The following AFAP1L2 variants were observed in gnomAD, a reference collection of about 807,000 sequenced individuals.
The protein encoded by AFAP1L2 is actin filament associated protein 1 like 2.
Under a neutral mutation model 99.3 loss-of-function variants are expected in AFAP1L2, and 46 were observed. The observed-to-expected ratio is 0.46, with a 90% CI of 0.37 to 0.59. The LOEUF is 0.59. Ranked by LOEUF, AFAP1L2 falls within the 20% of genes least tolerant of loss-of-function variation. The pLI, the probability that AFAP1L2 is intolerant of heterozygous loss-of-function variation, is 0.00. For missense variants in AFAP1L2, 959 were observed against 1,034.9 expected, an observed-to-expected ratio of 0.93 and a Z score of 1.01; for synonymous variants, 397 against 419.1, an observed-to-expected ratio of 0.95 and a Z score of 0.64.
chr10:114,343,506 G>A (rs1056597506), intron 1 of AFAP1L2, among the ~76,000 whole-genome samples: 2 of 152,182 alleles, frequency 1.3e-5, no homozygotes, highest in African/African-American at 4.8e-5. Context: ...GGCATTGCTG[G>A]TCAGCCCCAC....
chr10:114,308,580 A>G (rs750050300), intron 8 of AFAP1L2, 63 bp from the exon 9 acceptor site: 2 of 1,420,158 alleles, frequency 1.4e-6, no homozygotes, highest in Non-Finnish European at 2.0e-6. Context: ...GGAGACCACA[A>G]TTGAAGGGAA....
At chr10:114,352,757 T>G (rs4237494) in intron 1 of AFAP1L2, among the ~76,000 whole-genome samples, 150,714 of 152,364 alleles carry the variant, frequency 0.99, 74,562 homozygotes, top group East Asian at 1. Context: ...TTGAGAAGTG[T>G]CTACCAGGTC....
intron 1 of AFAP1L2, among the ~76,000 whole-genome samples, chr10:114,382,773 T>G (rs1216827867): frequency 6.6e-6 from 1 of 151,956 alleles, no homozygotes; most frequent in African/African-American, 2.4e-5. Flanking sequence ...TTTTGTATTT[T>G]TAGTAGAGAT....
intron 1 of AFAP1L2, among the ~76,000 whole-genome samples, chr10:114,356,226 A>T (rs988581585): frequency 4.6e-5 from 7 of 152,214 alleles, no homozygotes; most frequent in African/African-American, 1.7e-4. Context: ...ATACTCAGGA[A>T]TAAAGTACAT....
Position 114,295,719 on chromosome 10 carries a change from G to C in AFAP1L2, c.*323C>G, listed in dbSNP as rs1589884085. On this transcript the variant is annotated 3_prime_UTR_variant, in exon 19 of 19. Coordinates refer to ENST00000304129, the MANE Select transcript of AFAP1L2 (RefSeq NM_001001936.3). ...ATCTTCCACCAAAGTCTAAACAGGA[G>C]GTTTTCACTATTTAAAAATCTTAGT... 17 of 1,085,562 alleles carry C rather than the reference G, an allele frequency of 1.6e-5. 1 individual carries two copies. The East Asian group carries it at 1.1e-3, about 71-fold the overall frequency. 67.2% of individuals were successfully genotyped at this position (1,085,562 alleles called of 1,614,324 possible).
chr10:114,404,508 C>A (rs566361720), upstream of AFAP1L2: 606 of 1,520,294 alleles, frequency 4.0e-4, 3 homozygotes, highest in African/African-American at 4.6e-3. Flanking sequence ...GCTCTCCCGG[C>A]GCTCGGCTCA....
At chr10:114,305,112 C>G in intron 10 of AFAP1L2, 182 bp from the exon 11 acceptor site, 1 of 452,098 alleles carries the variant, frequency 2.2e-6, no homozygotes, top group Non-Finnish European at 4.0e-6. Context: ...CAGGAGGGGA[C>G]CGGGCTGCAG....
Position 114,311,596 on chromosome 10 carries a change from C to T in AFAP1L2, c.793-1153G>A, listed in dbSNP as rs114549906. The stretch of plus-strand genomic sequence containing the variant: ...ACCTTTGCCACGAGCCAGCTGTGAG[C>T]GCTTGTATGTCAAGCACCCAGCACA... On this transcript the variant is annotated intron_variant, in intron 7 of 18. Coordinates refer to ENST00000304129, the MANE Select transcript of AFAP1L2 (RefSeq NM_001001936.3). 8.8e-3 allele frequency among the ~76,000 whole-genome samples: 1,345 copies of T among 152,310 alleles called. 16 individuals are homozygous for T. Among genetic ancestry groups the T allele is most frequent in the African/African-American group, 0.031 (1,296 of 41,554 alleles).
the AFAP1L2 span, among the ~76,000 whole-genome samples, chr10:114,282,305 A>AT: frequency 1.4e-4 from 22 of 151,770 alleles, no homozygotes; most frequent in African/African-American, 2.9e-4. Context: ...CTCCCAGCCT[A>AT]TTTTTTTTAA....
chr10:114,398,623 T>C (rs1323838372), intron 1 of AFAP1L2, among the ~76,000 whole-genome samples: 1 of 152,236 alleles, frequency 6.6e-6, no homozygotes, highest in Non-Finnish European at 1.5e-5. Flanking sequence ...CTCATACAGA[T>C]GAGGAAACAA....
chr10:114,322,065 C>T lies in AFAP1L2; in HGVS notation c.406+1106G>A, dbSNP rs1369339168. 6.6e-5 allele frequency among the ~76,000 whole-genome samples: 10 copies of T among 152,202 alleles called. No homozygotes were observed. In the East Asian group the frequency reaches 1.2e-3, roughly 18 times the overall value. On this transcript the variant is annotated intron_variant, in intron 5 of 18. Coordinates refer to ENST00000304129, the MANE Select transcript of AFAP1L2 (RefSeq NM_001001936.3). ...AGTGAATAAGTCTCACGAGATCTGA[C>T]GGTTTTATAAAGGGGAGTTTCCCTG...
At position 114,393,151 on chromosome 10, in the gene AFAP1L2, C is replaced by T. The variant is rs193095603; in HGVS notation, c.16+11289G>A. On this transcript the variant is annotated intron_variant, in intron 1 of 18. Coordinates refer to ENST00000304129, the MANE Select transcript of AFAP1L2 (RefSeq NM_001001936.3). ...AACCTACCAAAGGCATTTTCCAACA[C>T]AATCCTTGGATCACTTTTGCTCTGA... Among the ~76,000 whole-genome samples the T allele has an allele frequency of 1.9e-3, 283 of 152,266 alleles. 1 individual carries two copies. Among genetic ancestry groups the T allele is most frequent in the African/African-American group, 5.2e-3 (215 of 41,550 alleles).
intron 1 of AFAP1L2, among the ~76,000 whole-genome samples, chr10:114,342,307 G>C (rs2048935416): frequency 6.6e-6 from 1 of 152,146 alleles, no homozygotes; most frequent in Non-Finnish European, 1.5e-5. Context: ...TACCTAACTA[G>C]CTATCCGCTG....
At chr10:114,294,118 T>G (rs2039850696), downstream of AFAP1L2, among the ~76,000 whole-genome samples, 1 of 152,182 alleles carries the variant, frequency 6.6e-6, no homozygotes, top group Non-Finnish European at 1.5e-5. Context: ...AACCCTTGAT[T>G]TTTTTGGATA....
At chr10:114,293,544 C>T (rs1258741739), downstream of AFAP1L2, among the ~76,000 whole-genome samples, 3 of 152,202 alleles carry the variant, frequency 2.0e-5, no homozygotes, top group Non-Finnish European at 4.4e-5. Flanking sequence ...GTCAGTCCCC[C>T]AGGAAAGTGC....
At chr10:114,305,516 G>A (rs1444784025) in intron 10 of AFAP1L2, among the ~76,000 whole-genome samples, 1 of 136,040 alleles carries the variant, frequency 7.4e-6, no homozygotes, top group East Asian at 2.4e-4. Context: ...GATGCAGGAG[G>A]GGGTGCAGGT....
intron 4 of AFAP1L2, among the ~76,000 whole-genome samples, chr10:114,326,482 C>A (rs2046313411): frequency 6.6e-6 from 1 of 152,250 alleles, no homozygotes; most frequent in Admixed American, 6.5e-5. Flanking sequence ...CCACTTGTAA[C>A]TGCTGCCAAT....
At chr10:114,323,685 C>A (rs1344719081) in intron 4 of AFAP1L2, among the ~76,000 whole-genome samples, 2 of 152,166 alleles carry the variant, frequency 1.3e-5, no homozygotes, top group Non-Finnish European at 1.5e-5. Flanking sequence ...GAAAGAGGAC[C>A]AGGTTTCTAA....
the AFAP1L2 span, chr10:114,289,070 C>G: frequency 1.2e-6 from 2 of 1,614,172 alleles, no homozygotes; most frequent in Non-Finnish European, 1.7e-6. Flanking sequence ...CCTGACGTGA[C>G]ACAGGTCGGC....
Sources: allele counts gnomAD v4.1 joint callset (sites outside exome capture counted in the v4.1 genomes callset), GRCh38; gene constraint gnomAD v4.1.1; transcripts MANE v1.5; gene names NCBI Gene and HGNC (gene_info 2026-07-23, HGNC 2026-07-21).